SEMA3E: variants seen among roughly 807,000 people sequenced by gnomAD.
SEMA3E encodes the protein semaphorin-3E.
In SEMA3E, 49 loss-of-function variants were observed where a neutral mutation model predicts 93.6. The observed-to-expected ratio is 0.52, with a 90% CI of 0.42 to 0.66. SEMA3E has a LOEUF of 0.66. SEMA3E is among the 30% of genes least tolerant of loss of function. SEMA3E has a pLI of 0.00. For synonymous variants in SEMA3E, 363 were observed against 330.7 expected (o/e 1.10, Z -1.06); for missense variants, 906 against 964.8 (o/e 0.94, Z 0.81).
chr7:83,433,704 A>C (rs1218365675), intron 4 of SEMA3E, among the ~76,000 whole-genome samples: 9 of 152,138 alleles, frequency 5.9e-5, no homozygotes, highest in Non-Finnish European at 1.3e-4. Flanking sequence ...ATAGATTTAC[A>C]AAATTTCTAG....
At chr7:83,585,863 C>T (rs1792615951) in intron 1 of SEMA3E, among the ~76,000 whole-genome samples, 1 of 152,114 alleles carries the variant, frequency 6.6e-6, no homozygotes, top group Non-Finnish European at 1.5e-5. Context: ...GTTGCTTAAC[C>T]TCTATGCATC....
intron 16 of SEMA3E, among the ~76,000 whole-genome samples, chr7:83,380,197 T>TC (rs1189117771): frequency 1.3e-5 from 2 of 151,898 alleles, no homozygotes; most frequent in Admixed American, 1.3e-4. Context: ...GCTTCTCTTT[T>TC]TTCTCAAATA....
chr7:83,482,314 C>G (rs1463482499), intron 2 of SEMA3E, among the ~76,000 whole-genome samples: 1 of 152,046 alleles, frequency 6.6e-6, no homozygotes, highest in Non-Finnish European at 1.5e-5. Context: ...CGTCTGTAAT[C>G]CCGGCACTTT....
At chr7:83,413,715 G>A (rs1201303254) in intron 5 of SEMA3E, among the ~76,000 whole-genome samples, 2 of 152,164 alleles carry the variant, frequency 1.3e-5, no homozygotes, top group African/African-American at 4.8e-5. Context: ...GGTTTGGGAA[G>A]ATGATTAGCA....
intron 4 of SEMA3E, among the ~76,000 whole-genome samples, chr7:83,431,888 C>A (rs893622349): frequency 1.3e-5 from 2 of 151,236 alleles, no homozygotes; most frequent in African/African-American, 4.9e-5. Context: ...ACAACAAGGT[C>A]TTTTATCCAA....
At chr7:83,616,146 T>A (rs1259157347) in intron 1 of SEMA3E, among the ~76,000 whole-genome samples, 1 of 152,122 alleles carries the variant, frequency 6.6e-6, no homozygotes, top group Admixed American at 6.6e-5. Flanking sequence ...TAGCTCCTGA[T>A]AATTATGTGT....
intron 1 of SEMA3E, chr7:83,612,691 T>G (rs1793289574): frequency 6.6e-6 from 1 of 152,130 alleles, no homozygotes; most frequent in South Asian, 2.1e-4. Context: ...GAACAGAGTG[T>G]TCTACTGTCA....
intron 1 of SEMA3E, among the ~76,000 whole-genome samples, chr7:83,544,684 C>T (rs1026860940): frequency 5.9e-5 from 9 of 152,104 alleles, no homozygotes; most frequent in African/African-American, 1.9e-4. Context: ...TCCCTAAAGA[C>T]ATGTTGCCTA....
intron 11 of SEMA3E, among the ~76,000 whole-genome samples, chr7:83,398,451 A>C (rs562884876): frequency 2.6e-5 from 4 of 152,262 alleles, no homozygotes; most frequent in Non-Finnish European, 5.9e-5. Flanking sequence ...TTTTGTTGGA[A>C]GTCACTATGA....
chr7:83,372,347 A>G (rs777119660), intron 16 of SEMA3E: 1 of 397,904 alleles, frequency 2.5e-6, no homozygotes. Context: ...TGTCTCTGTT[A>G]TATCTCCTGT....
At chr7:83,455,601 A>C (rs926847182) in intron 4 of SEMA3E, among the ~76,000 whole-genome samples, 1 of 152,222 alleles carries the variant, frequency 6.6e-6, no homozygotes, top group Middle Eastern at 3.2e-3. Flanking sequence ...TGGTGTAGGC[A>C]CACCTGCGAA....
chr7:83,457,756 G>A (rs556024307), intron 4 of SEMA3E, among the ~76,000 whole-genome samples: 17 of 152,130 alleles, frequency 1.1e-4, no homozygotes, highest in East Asian at 7.7e-4. Flanking sequence ...CATCGTCTCC[G>A]TGCTGTCTTT....
chr7:83,481,668 C>A (rs112994303), intron 2 of SEMA3E, among the ~76,000 whole-genome samples: 1 of 152,002 alleles, frequency 6.6e-6, no homozygotes, highest in African/African-American at 2.4e-5. Flanking sequence ...ATGTTATATA[C>A]GTGCAACAGA....
At chr7:83,387,658 T>C (rs1787906989) in intron 14 of SEMA3E, among the ~76,000 whole-genome samples, 1 of 151,664 alleles carries the variant, frequency 6.6e-6, no homozygotes, top group Non-Finnish European at 1.5e-5. Context: ...TAGCAGAATT[T>C]TGTGCATCTA....
chr7:83,583,046 T>C (rs1001048963), intron 1 of SEMA3E, among the ~76,000 whole-genome samples: 1 of 152,146 alleles, frequency 6.6e-6, no homozygotes, highest in African/African-American at 2.4e-5. Context: ...ATAAAAATTC[T>C]GATAACACTA....
chr7:83,445,632 C>T (rs1207768922), intron 4 of SEMA3E, among the ~76,000 whole-genome samples: 7 of 152,094 alleles, frequency 4.6e-5, no homozygotes, highest in African/African-American at 1.2e-4. Flanking sequence ...GCAGGAGAAT[C>T]GCTTGAACCC....
At chr7:83,512,621 TAAAA>T (rs1002873897) in intron 1 of SEMA3E, among the ~76,000 whole-genome samples, 2 of 152,162 alleles carry the variant, frequency 1.3e-5, no homozygotes, top group African/African-American at 4.8e-5. Flanking sequence ...AATTTGCACT[TAAAA>T]AGAAAGCCTA....
rs561365630 is a variant in SEMA3E at position 83,394,389 on chromosome 7, T to C, written c.1459-51A>G. On this transcript the variant is annotated intron_variant, in intron 12 of 16. Transcript: ENST00000643230. ...TTTAAGAAAACAGTATAAAAACATT[T>C]ACCTTAATATGGTTGTAAACCCCTG... 104 of 1,455,782 alleles carry C rather than the reference T, an allele frequency of 7.1e-5. 1 individual carries two copies. The South Asian group carries it at 1.1e-3, about 16-fold the overall frequency. The allele number at this position is 1,455,782 out of a possible 1,614,324, so 90.2% of individuals were successfully genotyped here.
At chr7:83,625,765 G>T (rs149394068) in intron 1 of SEMA3E, among the ~76,000 whole-genome samples, 2,942 of 151,826 alleles carry the variant, frequency 0.019, 153 homozygotes, top group East Asian at 0.16. Flanking sequence ...GGGGAGAGAG[G>T]TCATCTTTGT....
Sources: gnomAD v4.1 joint callset for allele counts (sites outside exome capture counted in the v4.1 genomes callset) on GRCh38, gnomAD v4.1.1 for gene constraint, MANE v1.5 for transcripts, NCBI Gene and HGNC (gene_info 2026-07-23, HGNC 2026-07-21) for gene names.